SOX5: variants seen among roughly 807,000 people sequenced by gnomAD.
The protein encoded by SOX5 is SRY-box transcription factor 5.
SOX5 carries 9 observed loss-of-function variants against 92.0 expected under a neutral mutation model. The observed-to-expected ratio is 0.10, with a 90% CI of 0.06 to 0.17. The LOEUF (loss-of-function observed/expected upper bound fraction) is 0.17. Ranked by LOEUF, SOX5 falls within the 10% of genes least tolerant of loss-of-function variation. SOX5 has a pLI of 1.00. For missense variants in SOX5, 642 were observed against 944.5 expected, an observed-to-expected ratio of 0.68 and a Z score of 4.20; for synonymous variants, 344 against 336.3, an observed-to-expected ratio of 1.02 and a Z score of -0.25.
intron 3 of SOX5, among the ~76,000 whole-genome samples, chr12:24,221,948 A>AG (rs1960562377): frequency 6.6e-6 from 1 of 152,228 alleles, no homozygotes; most frequent in South Asian, 2.1e-4. Context: ...CAAGAGTAAT[A>AG]GGAAGTGAGG....
chr12:23,985,820 T>C (rs762643565), intron 4 of SOX5, among the ~76,000 whole-genome samples: 6 of 152,146 alleles, frequency 3.9e-5, no homozygotes, highest in Non-Finnish European at 7.4e-5. Context: ...AAAATCATGA[T>C]GTTGGCAGGG....
intron 4 of SOX5, among the ~76,000 whole-genome samples, chr12:23,981,149 ATCTAATTCCACAAT>A (rs1412847042): frequency 1.3e-5 from 2 of 152,018 alleles, no homozygotes; most frequent in Non-Finnish European, 2.9e-5. Context: ...CTGCTACTAG[ATCTAATTCCACAAT>A]TCTAATTCCA....
chr12:24,542,896 G>T (rs1028242092), intron 1 of SOX5, among the ~76,000 whole-genome samples: 3 of 152,122 alleles, frequency 2.0e-5, no homozygotes, highest in Admixed American at 6.6e-5. Flanking sequence ...TCAAAACTAA[G>T]AAGCATTCAA....
intron 1 of SOX5, among the ~76,000 whole-genome samples, chr12:24,382,393 T>C (rs916097819): frequency 6.6e-6 from 1 of 151,236 alleles, no homozygotes; most frequent in Middle Eastern, 3.4e-3. Context: ...AGTATGGTAG[T>C]ATGGTAGGGA....
rs575104632 is a variant in SOX5, at chr12:23,636,570, A to C, written c.1017+4242T>G. ...TAAACAAAGTCAACCATAAGTAGGA[A>C]TAGATTTATAATGTCCTTTATTTAA... On this transcript the variant is annotated intron_variant, in intron 8 of 14. Coordinates refer to ENST00000451604, the MANE Select transcript of SOX5 (RefSeq NM_006940.6). Among the ~76,000 whole-genome samples the C allele has an allele frequency of 3.3e-3, 505 of 152,310 alleles. 2 individuals carry two copies. The highest frequency in any genetic ancestry group is 0.011 in the African/African-American group (457 of 41,576).
At chr12:24,086,946 G>A (rs1269475288) in intron 4 of SOX5, among the ~76,000 whole-genome samples, 1 of 152,044 alleles carries the variant, frequency 6.6e-6, no homozygotes, top group African/African-American at 2.4e-5. Context: ...AGTTCGGAAT[G>A]TACCAATCAA....
At chr12:24,468,090 T>C (rs932121971) in intron 1 of SOX5, among the ~76,000 whole-genome samples, 12 of 152,188 alleles carry the variant, frequency 7.9e-5, no homozygotes, top group Admixed American at 6.5e-4. Flanking sequence ...CAGATTTTAC[T>C]GGTGTTTAAG....
chr12:24,002,632 T>C (rs1951726084), intron 4 of SOX5, among the ~76,000 whole-genome samples: 1 of 150,928 alleles, frequency 6.6e-6, no homozygotes, highest in South Asian at 2.2e-4. Flanking sequence ...CCTGCTGGCA[T>C]TTTTATAGGG....
chr12:23,892,032 G>A (rs949099134), intron 2 of SOX5, among the ~76,000 whole-genome samples: 1 of 151,906 alleles, frequency 6.6e-6, no homozygotes, highest in Non-Finnish European at 1.5e-5. Flanking sequence ...TCTAGTATAT[G>A]TTAGATCCCA....
At chr12:24,465,020 G>C (rs181309989) in intron 1 of SOX5, among the ~76,000 whole-genome samples, 1 of 152,314 alleles carries the variant, frequency 6.6e-6, no homozygotes, top group African/African-American at 2.4e-5. Flanking sequence ...AGTGCTCATC[G>C]GGATGATGAC....
At chr12:23,967,092 G>A (rs187291185) in intron 4 of SOX5, among the ~76,000 whole-genome samples, 1 of 152,210 alleles carries the variant, frequency 6.6e-6, no homozygotes, top group Admixed American at 6.5e-5. Context: ...AAAACATTAA[G>A]CATCTGAAAT....
At chr12:23,595,916 A>G (rs943834164) in intron 9 of SOX5, among the ~76,000 whole-genome samples, 2 of 152,158 alleles carry the variant, frequency 1.3e-5, no homozygotes, top group African/African-American at 4.8e-5. Flanking sequence ...TCCTAAATCC[A>G]TAACAATGAA....
chr12:24,110,900 C>CAAA (rs67100585), intron 4 of SOX5, among the ~76,000 whole-genome samples: 434 of 27,572 alleles, frequency 0.016, 70 homozygotes, highest in Non-Finnish European at 0.018. Context: ...GACTCCACTT[C>CAAA]AAAAAAAAAA....
At chr12:23,796,739 G>A (rs2095567071) in intron 3 of SOX5, among the ~76,000 whole-genome samples, 1 of 151,506 alleles carries the variant, frequency 6.6e-6, no homozygotes, top group African/African-American at 2.4e-5. Context: ...TACCTAAACA[G>A]ATCACCAATA....
At chr12:24,211,339 A>C (rs546683663) in intron 4 of SOX5, among the ~76,000 whole-genome samples, 1 of 152,316 alleles carries the variant, frequency 6.6e-6, no homozygotes, top group Non-Finnish European at 1.5e-5. Flanking sequence ...ACACATCAAA[A>C]TCTTCACTTT....
intron 4 of SOX5, among the ~76,000 whole-genome samples, chr12:24,199,431 C>T (rs1388207862): frequency 6.6e-6 from 1 of 152,122 alleles, no homozygotes; most frequent in South Asian, 2.1e-4. Flanking sequence ...TACATTGAAC[C>T]AATTAAACTT....
intron 4 of SOX5, among the ~76,000 whole-genome samples, chr12:24,026,811 C>A (rs975857191): frequency 6.6e-6 from 1 of 152,044 alleles, no homozygotes; most frequent in Non-Finnish European, 1.5e-5. Flanking sequence ...CGAAGACTCA[C>A]ACCAGGCTCT....
intron 6 of SOX5, among the ~76,000 whole-genome samples, chr12:23,678,696 A>G (rs574017691): frequency 6.6e-6 from 1 of 152,008 alleles, no homozygotes; most frequent in Non-Finnish European, 1.5e-5. Flanking sequence ...ACTCACAAAA[A>G]CCCTATAAGA....
At chr12:24,274,398 G>C (rs533641340) in intron 3 of SOX5, among the ~76,000 whole-genome samples, 2 of 152,140 alleles carry the variant, frequency 1.3e-5, no homozygotes, top group Non-Finnish European at 2.9e-5. Flanking sequence ...GGGCTTTAAA[G>C]TCTATTTTGC....
Sources: allele counts gnomAD v4.1 joint callset (sites outside exome capture counted in the v4.1 genomes callset), GRCh38; gene constraint gnomAD v4.1.1; transcripts MANE v1.5; gene names NCBI Gene and HGNC (gene_info 2026-07-23, HGNC 2026-07-21).